The following CA5A variants were observed in gnomAD, a reference collection of about 807,000 sequenced individuals.
CA5A encodes carbonic anhydrase 5A, mitochondrial.
Under a neutral mutation model 37.1 loss-of-function variants are expected in CA5A, and 28 were observed. That is an observed-to-expected ratio of 0.75 (90% CI 0.56 to 1.03). The LOEUF (loss-of-function observed/expected upper bound fraction) is 1.03. Ranked by LOEUF, CA5A falls within the 50% of genes least tolerant of loss-of-function variation. The probability of loss-of-function intolerance (pLI) is 0.00; values close to 1 mark genes in which losing one functional copy is unlikely to be tolerated. For synonymous variants in CA5A, 171 were observed against 158.4 expected (o/e 1.08, Z -0.60); for missense variants, 444 against 399.9 (o/e 1.11, Z -0.94).
At position 87,911,340 on chromosome 16, in the gene CA5A, G is replaced by T. The variant is rs1428514985; in HGVS notation, c.341-6436C>A. On this transcript the variant is annotated intron_variant, in intron 2 of 6. Coordinates refer to ENST00000649794, the MANE Select transcript of CA5A (RefSeq NM_001739.2). The surrounding 1 kb of genome is among the most constrained non-coding windows in gnomAD (Gnocchi z 4.6). Reference sequence around the variant, plus strand: ...TAATAACAGATGACGTTTGGGGCCGGCTCCAGGCTGTGACGTGCTGGCCCC... The same window carrying T: ...TAATAACAGATGACGTTTGGGGCCGTCTCCAGGCTGTGACGTGCTGGCCCC... 6.6e-6 allele frequency among the ~76,000 whole-genome samples: 1 copy of T among 152,160 alleles called. No individual in the cohort carries two copies. Among genetic ancestry groups the T allele is most frequent in the African/African-American group, 2.4e-5 (1 of 41,434 alleles).
intron 1 of CA5A, among the ~76,000 whole-genome samples, chr16:87,929,674 C>T (rs1293905166): frequency 3.3e-5 from 5 of 151,524 alleles, no homozygotes; most frequent in Middle Eastern, 3.4e-3. Context: ...AGATCGAGAC[C>T]ATCCTGGCTA....
chr16:87,894,965 C>A (rs1222041980), intron 5 of CA5A, among the ~76,000 whole-genome samples: 1 of 152,116 alleles, frequency 6.6e-6, no homozygotes, highest in Non-Finnish European at 1.5e-5. Context: ...AAGTGTACAG[C>A]CTGGTTGGGC....
chr16:87,904,995 T>G (rs187555300), intron 2 of CA5A, 91 bp from the exon 3 acceptor site: 4 of 788,184 alleles, frequency 5.1e-6, no homozygotes, highest in Non-Finnish European at 9.1e-6. Flanking sequence ...TAGGGTTATA[T>G]GAGTTCACTC....
At chr16:87,931,322 G>T (rs1453729002) in intron 1 of CA5A, among the ~76,000 whole-genome samples, 1 of 150,780 alleles carries the variant, frequency 6.6e-6, no homozygotes, top group African/African-American at 2.4e-5. Context: ...ATGTTGGCCA[G>T]GCTGTTCTCG....
rs559030143 is a variant in CA5A at position 87,921,179 on chromosome 16, T to G, written c.340+5569A>C. ...CCTGACCTCAAGCAATCCACCTGCCTCAGCCTCCCAAAGTGTTGGGATTAC... is the reference window on the plus strand; with the variant it reads ...CCTGACCTCAAGCAATCCACCTGCCGCAGCCTCCCAAAGTGTTGGGATTAC... On this transcript the variant is annotated intron_variant, in intron 2 of 6. Coordinates refer to ENST00000649794, the MANE Select transcript of CA5A (RefSeq NM_001739.2). Among the ~76,000 whole-genome samples the G allele has an allele frequency of 2.6e-4, 39 of 152,338 alleles. 1 individual carries two copies. The South Asian group carries it at 8.1e-3, about 32-fold the overall frequency.
intron 4 of CA5A, chr16:87,882,343 T>C (rs1381894791): frequency 6.6e-6 from 1 of 152,230 alleles, no homozygotes; most frequent in Admixed American, 6.5e-5. Flanking sequence ...TTGCTGCGCT[T>C]TTTCCTTGAC....
intron 1 of CA5A, among the ~76,000 whole-genome samples, chr16:87,935,421 C>T (rs558641021): frequency 1.3e-5 from 2 of 152,296 alleles, no homozygotes; most frequent in South Asian, 2.1e-4. Flanking sequence ...TAGGAGCGAT[C>T]GTGACTGGTT....
downstream of CA5A, chr16:87,887,866 G>A: frequency 5.2e-6 from 2 of 386,780 alleles, no homozygotes; most frequent in Non-Finnish European, 9.2e-6. Context: ...AATCCACCAA[G>A]TTTGTGGTAC....
intron 1 of CA5A, among the ~76,000 whole-genome samples, chr16:87,930,953 A>G (rs893867047): frequency 2.0e-5 from 3 of 148,266 alleles, no homozygotes; most frequent in African/African-American, 7.5e-5. Flanking sequence ...GTTGGCTAGG[A>G]TGGTCTCGAT....
intron 2 of CA5A, among the ~76,000 whole-genome samples, chr16:87,919,149 G>A (rs555637381): frequency 5.3e-5 from 8 of 152,330 alleles, no homozygotes; most frequent in Admixed American, 5.2e-4. Context: ...TCGGGACAAG[G>A]TCAGAGGCTG....
At chr16:87,910,342 A>G (rs1331297310) in intron 2 of CA5A, among the ~76,000 whole-genome samples, 1 of 152,170 alleles carries the variant, frequency 6.6e-6, no homozygotes, top group East Asian at 1.9e-4. Context: ...TCCTCCCAGG[A>G]TGAACTCCTC....
chr16:87,887,829 C>T (rs1350194371), downstream of CA5A: 4 of 272,018 alleles, frequency 1.5e-5, no homozygotes, highest in Non-Finnish European at 2.8e-5. Context: ...CTCACTGAAC[C>T]GTAAGAGAAT....
intron 2 of CA5A, among the ~76,000 whole-genome samples, chr16:87,910,617 A>G (rs1199591782): frequency 1.3e-5 from 2 of 151,968 alleles, no homozygotes; most frequent in East Asian, 1.9e-4. Context: ...TCACTCTGTT[A>G]CCCAGGCTGG....
At chr16:87,916,128 AC>A (rs1469300881) in intron 2 of CA5A, among the ~76,000 whole-genome samples, 1 of 148,468 alleles carries the variant, frequency 6.7e-6, no homozygotes, top group Non-Finnish European at 1.5e-5. Flanking sequence ...AGATCGCGCC[AC>A]TGCACTCCAG....
chr16:87,886,491 T>C (rs1189188093), downstream of CA5A: 3 of 152,194 alleles, frequency 2.0e-5, no homozygotes, highest in African/African-American at 7.2e-5. Context: ...CAGGAATTAA[T>C]TTTTGTGTGT....
Position 87,891,832 on chromosome 16 carries a change from G to A in CA5A, c.741C>T (p.Ile247=), listed in dbSNP as rs759477163. 15 of 1,571,036 alleles carry A rather than the reference G, an allele frequency of 9.5e-6. No homozygotes were observed. The highest frequency in any genetic ancestry group is 1.2e-5 in the Non-Finnish European group (14 of 1,162,592). Residue 247 remains isoleucine, a synonymous_variant, in exon 6 of 7, where the codon ATC becomes ATT. Coordinates refer to ENST00000649794, the MANE Select transcript of CA5A (RefSeq NM_001739.2). ...PPLTESVTWI[I]QKEPVEVAPS... ...GGGCCACTTCAACGGGCTCCTTCTG[G>A]ATGATCCAGGTGACCGACTCGGTCA... is the stretch of plus-strand genomic sequence containing the variant.
chr16:87,896,848 C>A (rs1046246676), intron 5 of CA5A, among the ~76,000 whole-genome samples: 22 of 152,248 alleles, frequency 1.4e-4, no homozygotes, highest in African/African-American at 5.1e-4. Flanking sequence ...CTATGTTGGT[C>A]AGGCTCGTCT....
At chr16:87,891,073 C>T (rs1190840199) in intron 6 of CA5A, among the ~76,000 whole-genome samples, 1 of 150,860 alleles carries the variant, frequency 6.6e-6, no homozygotes, top group African/African-American at 2.4e-5. Context: ...AAATTATGGG[C>T]ATGAGCCATG....
chr16:87,882,176 T>C (rs2055613142), intron 4 of CA5A: 1 of 152,206 alleles, frequency 6.6e-6, no homozygotes, highest in African/African-American at 2.4e-5. Context: ...CCATTGACTG[T>C]GTCACCCCTT....
Sources: gnomAD v4.1 joint callset for allele counts (sites outside exome capture counted in the v4.1 genomes callset) on GRCh38, gnomAD v4.1.1 for gene constraint, Gnocchi (gnomAD v3.1) non-coding constraint, MANE v1.5 for transcripts, NCBI Gene and HGNC (gene_info 2026-07-23, HGNC 2026-07-21) for gene names.